SLC26A2: variants seen among roughly 807,000 people sequenced by gnomAD.
SLC26A2 encodes solute carrier family 26 member 2.
Under a neutral mutation model 41.1 loss-of-function variants are expected in SLC26A2, and 36 were observed. The ratio of observed to expected loss-of-function variants is 0.88; its 90% confidence interval spans 0.67 to 1.16. The LOEUF is 1.16. Among genes scored for constraint, SLC26A2 ranks in the 50% most tolerant of loss-of-function variants. SLC26A2 has a pLI of 0.00. For synonymous variants in SLC26A2, 291 were observed against 311.6 expected (o/e 0.93, Z 0.70); for missense variants, 796 against 869.6 (o/e 0.92, Z 1.07).
rs891274631 is a variant in SLC26A2 at position 149,981,945 on chromosome 5, G to A, written c.*132G>A. The A allele has an allele frequency of 4.6e-6, 3 of 652,608 alleles. No individual in the cohort carries two copies. In the African/African-American group the frequency reaches 5.5e-5, roughly 12 times the overall value. The allele number at this position is 652,608 out of a possible 1,614,324, so 40.4% of individuals were successfully genotyped here. On this transcript the variant is annotated 3_prime_UTR_variant, in exon 3 of 3. Transcript: ENST00000286298. Reference sequence around the variant, plus strand: ...AGTGGCTAGATATTATTCCTCCTTTGAAGCTAATGGCATTTGTATATACAC... The same window carrying A: ...AGTGGCTAGATATTATTCCTCCTTTAAAGCTAATGGCATTTGTATATACAC...
chr5:149,980,983 CTT>C lies in SLC26A2; in HGVS notation c.1393_1394del (p.Leu465ValfsTer32), dbSNP rs386833495. On this transcript the variant is annotated frameshift_variant, in exon 3 of 3. Transcript: ENST00000286298. LOFTEE classifies it high-confidence loss of function. Reference sequence around the variant, plus strand: ...TTCTGGTGTGGTAACAGCCCTGGTTCTTTTGTTGGTCCTCCTAGTAATAGCTC... The same window carrying C: ...TTCTGGTGTGGTAACAGCCCTGGTTCTTGTTGGTCCTCCTAGTAATAGCTC... ...QLSGVVTALV[L>X]LLVLLVIAPL... 2.5e-6 allele frequency: 4 copies of C among 1,614,136 alleles called. No homozygotes were observed. The highest frequency in any genetic ancestry group is 3.4e-6 in the Non-Finnish European group (4 of 1,180,004).
chr5:149,969,175 C>T (rs1427975711), intron 1 of SLC26A2, among the ~76,000 whole-genome samples: 1 of 152,204 alleles, frequency 6.6e-6, no homozygotes, highest in Non-Finnish European at 1.5e-5. Context: ...TTAGATACTT[C>T]CTGTATGTGC....
At chr5:149,969,033 T>C (rs1754856797) in intron 1 of SLC26A2, among the ~76,000 whole-genome samples, 1 of 152,252 alleles carries the variant, frequency 6.6e-6, no homozygotes, top group Non-Finnish European at 1.5e-5. Context: ...TGAGCCACTG[T>C]GCCCGGCCTC....
intron 1 of SLC26A2, among the ~76,000 whole-genome samples, chr5:149,962,969 G>C (rs1195296504): frequency 1.3e-5 from 2 of 152,208 alleles, no homozygotes; most frequent in Non-Finnish European, 2.9e-5. Context: ...AATTAACAAT[G>C]TGTGGTATGG....
In SLC26A2 at chr5:149,984,009, C is replaced by T. The variant is rs1163496942; in HGVS notation, c.*2196C>T. 6.6e-6 allele frequency: 1 copy of T among 152,212 alleles called. No homozygotes were observed. The highest frequency in any genetic ancestry group is 1.5e-5 in the Non-Finnish European group (1 of 68,052). 9.4% of individuals were successfully genotyped at this position (152,212 alleles called of 1,614,324 possible). ...ATGTTATAATTAGCCAACACCAACACAGCAAAAAATATAATTCCAGCCAAA... is the reference window on the plus strand; with the variant it reads ...ATGTTATAATTAGCCAACACCAACATAGCAAAAAATATAATTCCAGCCAAA... On this transcript the variant is annotated 3_prime_UTR_variant, in exon 3 of 3. Transcript: ENST00000286298.
rs545967786 is a variant in SLC26A2 at position 149,982,873 on chromosome 5, G to C, written c.*1060G>C. 2 of 152,244 alleles carry C rather than the reference G, an allele frequency of 1.3e-5. No individual in the cohort carries two copies. Among genetic ancestry groups the C allele is most frequent in the South Asian group, 4.1e-4 (2 of 4,824 alleles). The allele number at this position is 152,244 out of a possible 1,614,324, so 9.4% of individuals were successfully genotyped here. The stretch of plus-strand genomic sequence containing the variant: ...TATTATTCATGATAGCTGGCCCACA[G>C]GTCATGAATTGAGGAGGAATTTGCT... On this transcript the variant is annotated 3_prime_UTR_variant, in exon 3 of 3. Transcript: ENST00000286298.
chr5:149,973,785 C>T (rs1167629441), intron 1 of SLC26A2, among the ~76,000 whole-genome samples: 1 of 152,100 alleles, frequency 6.6e-6, no homozygotes, highest in African/African-American at 2.4e-5. Flanking sequence ...TAGGCACACA[C>T]CACCATGCCT....
rs1402826221 is a variant in SLC26A2 at position 149,978,321 on chromosome 5, C to G, written c.669C>G (p.Ser223Arg). ...GTTGCTATGCAATTATGGTTGGCAG[C>G]ACTGTAACCTTTATAGCTGGAGTTT... ...DKSCYAIMVG[S>R]TVTFIAGVYQ... is the part of the protein sequence containing the mutation. The change falls in exon 2 of 3, where the codon AGC (serine) becomes AGG (arginine). Residue 223 changes from serine (S) to arginine (R), a missense_variant. Physicochemically the swap from Ser to Arg is moderately radical, Grantham distance 110. Transcript: ENST00000286298. 4 of 1,613,322 alleles carry G rather than the reference C, an allele frequency of 2.5e-6. No homozygotes were observed. The highest frequency in any genetic ancestry group is 3.4e-6 in the Non-Finnish European group (4 of 1,179,836).
intron 1 of SLC26A2, among the ~76,000 whole-genome samples, chr5:149,962,576 C>T (rs1322869159): frequency 6.6e-6 from 1 of 152,136 alleles, no homozygotes; most frequent in African/African-American, 2.4e-5. Flanking sequence ...TGAGCTCAAG[C>T]AATCCTCCTG....
rs1755116276 is a variant in SLC26A2 at position 149,981,972 on chromosome 5, C to G, written c.*159C>G. The G allele has an allele frequency of 8.2e-6, 5 of 606,230 alleles. No homozygotes were observed. In the South Asian group the frequency reaches 1.0e-4, roughly 12 times the overall value. 37.6% of individuals were successfully genotyped at this position (606,230 alleles called of 1,614,324 possible). Reference sequence around the variant, plus strand: ...AGCTAATGGCATTTGTATATACACACTGCAGCAGAGCTTGTAGCTGGACAG... The same window carrying G: ...AGCTAATGGCATTTGTATATACACAGTGCAGCAGAGCTTGTAGCTGGACAG... On this transcript the variant is annotated 3_prime_UTR_variant, in exon 3 of 3. Transcript: ENST00000286298.
chr5:149,964,105 C>G (rs939297136), intron 1 of SLC26A2, among the ~76,000 whole-genome samples: 1 of 152,084 alleles, frequency 6.6e-6, no homozygotes, highest in Non-Finnish European at 1.5e-5. Context: ...AGATAGGGAG[C>G]CAGTGCAGAT....
rs2113698870 is a variant in SLC26A2 at position 149,981,137 on chromosome 5, G to A, written c.1544G>A (p.Trp515Ter). 6.2e-7 allele frequency: 1 copy of A among 1,614,102 alleles called. No homozygotes were observed. The highest frequency in any genetic ancestry group is 1.1e-5 in the South Asian group (1 of 91,084). The change falls in exon 3 of 3, where the codon TGG becomes TAG. Residue 515 changes from tryptophan to a stop codon, truncating the protein, a stop_gained. Coordinates refer to ENST00000286298, the MANE Select transcript of SLC26A2 (RefSeq NM_000112.4). LOFTEE classifies it high-confidence loss of function. ...WSISRMDTVIWFVTMLSSALL... is the reference protein window; with the variant it reads ...WSISRMDTVI ...ATTAGTAGAATGGATACAGTTATCT[G>A]GTTTGTTACTATGCTGTCCTCTGCA...
Position 149,983,262 on chromosome 5 carries a change from T to A in SLC26A2, c.*1449T>A, listed in dbSNP as rs1755138507. On this transcript the variant is annotated 3_prime_UTR_variant, in exon 3 of 3. Coordinates refer to ENST00000286298, the MANE Select transcript of SLC26A2 (RefSeq NM_000112.4). ...TATGTAACTTAGCTTTATTGTTAGC[T>A]CCATAAGCTGCCAGTGTTGCTTTTC... 2 of 152,102 alleles carry A rather than the reference T, an allele frequency of 1.3e-5. No homozygotes were observed. The highest frequency in any genetic ancestry group is 4.8e-5 in the African/African-American group (2 of 41,444). The allele number at this position is 152,102 out of a possible 1,614,324, so 9.4% of individuals were successfully genotyped here. A position where few individuals can be genotyped will look rare whatever the true frequency, so the allele number is the denominator to read the frequency against.
intron 1 of SLC26A2, among the ~76,000 whole-genome samples, chr5:149,975,009 T>C (rs907793663): frequency 6.6e-6 from 1 of 152,148 alleles, no homozygotes; most frequent in Non-Finnish European, 1.5e-5. Context: ...TGGAAATTTC[T>C]TGGCCATTAT....
At chr5:149,961,685 C>G (rs772277249) in intron 1 of SLC26A2, among the ~76,000 whole-genome samples, 4 of 152,126 alleles carry the variant, frequency 2.6e-5, no homozygotes, top group Non-Finnish European at 4.4e-5. Flanking sequence ...GGCGCCCATT[C>G]TAGTTAACCT....
rs1755207219 is a variant in SLC26A2, at chr5:149,986,791, A to G, written c.*4978A>G. 6.6e-6 allele frequency: 1 copy of G among 152,232 alleles called. No individual in the cohort carries two copies. Among genetic ancestry groups the G allele is most frequent in the African/African-American group, 2.4e-5 (1 of 41,458 alleles). The allele number at this position is 152,232 out of a possible 1,614,324, so 9.4% of individuals were successfully genotyped here. ...AAAAGGTCTTTCAACTGAAGCTTTA[A>G]TCAACTTATTTTGGAGATGTTCTCT... On this transcript the variant is annotated 3_prime_UTR_variant, in exon 3 of 3. Transcript: ENST00000286298.
In SLC26A2 at chr5:149,978,216, C is replaced by G. The variant is rs1417558166; in HGVS notation, c.564C>G (p.Ala188=). ...RELQKAGYDN[A]HSAPSLGMVS... is the part of the protein sequence containing the mutation. ...TACAGAAAGCTGGCTATGACAATGC[C>G]CATAGTGCTCCTTCCTTAGGAATGG... Residue 188 remains alanine, a synonymous_variant, in exon 2 of 3, where the codon GCC becomes GCG. Coordinates refer to ENST00000286298, the MANE Select transcript of SLC26A2 (RefSeq NM_000112.4). 1 of 1,614,014 alleles carries G rather than the reference C, an allele frequency of 6.2e-7. No homozygotes were observed. Among genetic ancestry groups the G allele is most frequent in the South Asian group, 1.1e-5 (1 of 91,070 alleles).
intron 1 of SLC26A2, among the ~76,000 whole-genome samples, chr5:149,969,624 C>T (rs1391588552): frequency 2.0e-5 from 3 of 152,172 alleles, no homozygotes; most frequent in Non-Finnish European, 4.4e-5. Flanking sequence ...TGGCAAACCT[C>T]CTGCCCTTTC....
At chr5:149,965,144 C>T (rs945129173) in intron 1 of SLC26A2, among the ~76,000 whole-genome samples, 1 of 152,144 alleles carries the variant, frequency 6.6e-6, no homozygotes, top group African/African-American at 2.4e-5. Context: ...CGACAGTATA[C>T]GTTTGAATCA....
Sources: allele counts gnomAD v4.1 joint callset (sites outside exome capture counted in the v4.1 genomes callset), GRCh38; gene constraint gnomAD v4.1.1; transcripts MANE v1.5; gene names NCBI Gene and HGNC (gene_info 2026-07-23, HGNC 2026-07-21).